C3orf49: variants seen among roughly 807,000 people sequenced by gnomAD.
The protein encoded by C3orf49 is putative uncharacterized protein C3orf49.
Under a neutral mutation model 13.3 loss-of-function variants are expected in C3orf49, and 27 were observed. That is an observed-to-expected ratio of 2.02 (90% CI 1.49 to 2.79). The LOEUF (loss-of-function observed/expected upper bound fraction) is 2.79, where lower values mean the gene tolerates loss of function less well. Among genes scored for constraint, C3orf49 ranks in the 30% most tolerant of loss-of-function variants. The probability of loss-of-function intolerance (pLI) is 0.00; values close to 1 mark genes in which losing one functional copy is unlikely to be tolerated. For missense variants in C3orf49, 242 were observed against 134.2 expected, an observed-to-expected ratio of 1.80 and a Z score of -3.97; for synonymous variants, 87 against 47.6, an observed-to-expected ratio of 1.83 and a Z score of -3.40.
chr3:63,802,919 C>A, the C3orf49 span, among the ~76,000 whole-genome samples: 6 of 152,078 alleles, frequency 3.9e-5, no homozygotes, highest in Admixed American at 3.9e-4. Context: ...CACAGACACA[C>A]ACACTAAGCA....
At chr3:63,794,252 A>G in the C3orf49 span, among the ~76,000 whole-genome samples, 52 of 152,158 alleles carry the variant, frequency 3.4e-4, no homozygotes, top group African/African-American at 1.1e-3. Flanking sequence ...GCCATTTTGA[A>G]TATGTTCCCT....
chr3:63,819,316 G>T lies in C3orf49; in HGVS notation c.-156G>T. The T allele has an allele frequency of 1.7e-6, 1 of 581,238 alleles. No individual in the cohort carries two copies. Among genetic ancestry groups the T allele is most frequent in the East Asian group, 2.8e-5 (1 of 35,376 alleles). The allele number at this position is 581,238 out of a possible 1,614,324, so 36.0% of individuals were successfully genotyped here. A position where few individuals can be genotyped will look rare whatever the true frequency, so the allele number is the denominator to read the frequency against. ...AATAATGTCTCTAACACCTGGAAGG[G>T]AATAAGGGAAAGACTCTAAAAATTT... is the stretch of plus-strand genomic sequence containing the variant. On this transcript the variant is annotated 5_prime_UTR_variant, in exon 1 of 7. Transcript: ENST00000295896.
the C3orf49 span, among the ~76,000 whole-genome samples, chr3:63,796,378 GCCAAAAGAAGAT>G: frequency 6.6e-6 from 1 of 152,070 alleles, no homozygotes; most frequent in Non-Finnish European, 1.5e-5. Context: ...TCCCACATTA[GCCAAAAGAAGAT>G]CCAGAATCCT....
the C3orf49 span, among the ~76,000 whole-genome samples, chr3:63,789,195 A>C: frequency 1.3e-5 from 2 of 152,106 alleles, no homozygotes; most frequent in Non-Finnish European, 2.9e-5. Flanking sequence ...TGAACTGCGC[A>C]TACAAGGGAT....
At chr3:63,790,504 T>G in the C3orf49 span, among the ~76,000 whole-genome samples, 1 of 151,912 alleles carries the variant, frequency 6.6e-6, no homozygotes, top group Admixed American at 6.6e-5. Flanking sequence ...GAAATCAGAA[T>G]CTTGGGGGTG....
Position 63,823,340 on chromosome 3 carries a change from T to C in C3orf49, c.216T>C (p.His72=), listed in dbSNP as rs1348498304. The C allele has an allele frequency of 2.8e-6, 2 of 703,182 alleles. No individual in the cohort carries two copies. Among genetic ancestry groups the C allele is most frequent in the Non-Finnish European group, 2.6e-6 (1 of 385,056 alleles). 43.6% of individuals were successfully genotyped at this position (703,182 alleles called of 1,614,324 possible). A position where few individuals can be genotyped will look rare whatever the true frequency, so the allele number is the denominator to read the frequency against. ...ESSSDSDMGF[H]ESQQNQKSNL... ...CCAGTGATAGTGACATGGGATTTCA[T>C]GAAAGCCAGCAAAATCAGAAAAGTA... is the stretch of plus-strand genomic sequence containing the variant. The change falls in exon 2 of 7, where the codon CAT becomes CAC. Residue 72 remains histidine, a synonymous_variant. Transcript: ENST00000295896.
chr3:63,817,231 C>T (rs113506645), upstream of C3orf49, among the ~76,000 whole-genome samples: 3 of 152,160 alleles, frequency 2.0e-5, no homozygotes, highest in South Asian at 2.1e-4. Context: ...GCTTTCCTAA[C>T]GCTCCATCTA....
intron 6 of C3orf49, 134 bp downstream of exon 6, chr3:63,845,216 T>A: frequency 2.1e-6 from 1 of 472,778 alleles, no homozygotes; most frequent in Non-Finnish European, 3.8e-6. Flanking sequence ...GCTTTGGGGG[T>A]ATCAAGATTA....
Position 63,827,648 on chromosome 3 carries a change from C to T in C3orf49, c.493C>T (p.Gln165Ter), listed in dbSNP as rs138095311. 3.8e-5 allele frequency: 27 copies of T among 703,232 alleles called. No individual in the cohort carries two copies. The East Asian group carries it at 7.2e-4, about 19-fold the overall frequency. 43.6% of individuals were successfully genotyped at this position (703,232 alleles called of 1,614,324 possible). Residue 165 changes from glutamine to a stop codon, truncating the protein, a stop_gained, in exon 3 of 7, where the codon CAG (glutamine) becomes TAG (stop). Transcript: ENST00000295896. LOFTEE classifies it high-confidence loss of function. ...AGAGGCAGAGACAGAGGAGATAACCCAGGGAAACACACTCCTTCGGGCCAG... is the reference window on the plus strand; with the variant it reads ...AGAGGCAGAGACAGAGGAGATAACCTAGGGAAACACACTCCTTCGGGCCAG... The part of the protein sequence containing the change: ...VVEAETEEIT[Q>*]GNTLLRARRT...
chr3:63,794,643 T>G, the C3orf49 span, among the ~76,000 whole-genome samples: 13 of 152,104 alleles, frequency 8.5e-5, no homozygotes, highest in Non-Finnish European at 1.9e-4. Context: ...TCACCAAAGA[T>G]CTCCTTTCAT....
intron 6 of C3orf49, chr3:63,846,141 C>G (rs1437429500): frequency 2.4e-6 from 1 of 422,112 alleles, no homozygotes; most frequent in African/African-American, 2.1e-5. Context: ...TACTGCCTCT[C>G]TCTCTCTTTC....
At chr3:63,784,152 G>T in the C3orf49 span, among the ~76,000 whole-genome samples, 1 of 152,138 alleles carries the variant, frequency 6.6e-6, no homozygotes. Flanking sequence ...TTCAAATTCT[G>T]CAAACAAAGG....
At chr3:63,840,532 A>G (rs1701734058) in intron 5 of C3orf49, among the ~76,000 whole-genome samples, 1 of 152,220 alleles carries the variant, frequency 6.6e-6, no homozygotes, top group Non-Finnish European at 1.5e-5. Flanking sequence ...TCAAGGCTGC[A>G]TTGAGCCATG....
chr3:63,834,692 A>G (rs1013574055), intron 5 of C3orf49, among the ~76,000 whole-genome samples: 1 of 151,866 alleles, frequency 6.6e-6, no homozygotes, highest in East Asian at 1.9e-4. Context: ...AATGGGTCTT[A>G]GGCTATTCTT....
upstream of C3orf49, among the ~76,000 whole-genome samples, chr3:63,818,407 T>C (rs1188642922): frequency 6.6e-6 from 1 of 152,146 alleles, no homozygotes; most frequent in Non-Finnish European, 1.5e-5. Context: ...TACTGAAACA[T>C]ACAAGACCCT....
intron 5 of C3orf49, among the ~76,000 whole-genome samples, chr3:63,839,933 G>T (rs1417767194): frequency 6.6e-6 from 1 of 151,818 alleles, no homozygotes; most frequent in Non-Finnish European, 1.5e-5. Flanking sequence ...AGCTAAAATG[G>T]TAAATTTTAT....
chr3:63,803,292 G>C, the C3orf49 span, among the ~76,000 whole-genome samples: 1 of 152,146 alleles, frequency 6.6e-6, no homozygotes. Context: ...TAAAAACAGA[G>C]TATATTTCTT....
chr3:63,847,513 G>A (rs1306844062), intron 6 of C3orf49, among the ~76,000 whole-genome samples: 2 of 152,162 alleles, frequency 1.3e-5, no homozygotes, highest in African/African-American at 2.4e-5. Context: ...AGAGGCGAGC[G>A]GATCACTTGA....
rs777336393 is a variant in C3orf49, at chr3:63,827,636, G to C, written c.481G>C (p.Glu161Gln). The change falls in exon 3 of 7, where the codon GAG (glutamate) becomes CAG (glutamine). Residue 161 changes from glutamate to glutamine, a missense_variant. Transcript: ENST00000295896. ...ACTTGATGTTGTAGAGGCAGAGACA[G>C]AGGAGATAACCCAGGGAAACACACT... ...IQLDVVEAET[E>Q]EITQGNTLLR... is the part of the protein sequence containing the mutation. 1 of 703,376 alleles carries C rather than the reference G, an allele frequency of 1.4e-6. No homozygotes were observed. The highest frequency in any genetic ancestry group is 1.5e-5 in the South Asian group (1 of 67,596). The allele number at this position is 703,376 out of a possible 1,614,324, so 43.6% of individuals were successfully genotyped here.
Sources: gnomAD v4.1 joint callset for allele counts (sites outside exome capture counted in the v4.1 genomes callset) on GRCh38, gnomAD v4.1.1 for gene constraint, MANE v1.5 for transcripts, NCBI Gene and HGNC (gene_info 2026-07-23, HGNC 2026-07-21) for gene names.